The following CFAP54 variants were observed in gnomAD, a reference collection of about 807,000 sequenced individuals.
CFAP54 encodes cilia- and flagella-associated protein 54.
In CFAP54, 290 loss-of-function variants were observed where a neutral mutation model predicts 370.4. The ratio of observed to expected loss-of-function variants is 0.78; its 90% confidence interval spans 0.71 to 0.86. The LOEUF (loss-of-function observed/expected upper bound fraction) is 0.86, where lower values mean the gene tolerates loss of function less well. Among genes scored for constraint, CFAP54 ranks in the 40% least tolerant of loss-of-function variants. CFAP54 has a pLI of 0.00. For synonymous variants in CFAP54, 1,206 were observed against 1,236.5 expected (o/e 0.98, Z 0.52); for missense variants, 3,399 against 3,528.7 (o/e 0.96, Z 0.93).
chr12:96,717,627 G>A (rs1487162825), intron 48 of CFAP54, among the ~76,000 whole-genome samples: 2 of 152,222 alleles, frequency 1.3e-5, no homozygotes, highest in Non-Finnish European at 2.9e-5. Context: ...CAGAATAAGA[G>A]CAGGCTTTGG....
In CFAP54 at chr12:96,581,055, C is replaced by G. The variant is rs1956028375; in HGVS notation, c.3025C>G (p.Leu1009Val). The change falls in exon 22 of 68, where the codon CTG (leucine) becomes GTG (valine). Residue 1009 changes from leucine (L) to valine (V), a missense_variant. Coordinates refer to ENST00000524981, the MANE Select transcript of CFAP54 (RefSeq NM_001306084.2). ...GAIGETTKPI[L>V]VYPPLSTITA... is the part of the protein sequence containing the mutation. The stretch of plus-strand genomic sequence containing the variant: ...TATTGGGGAGACAACTAAACCAATT[C>G]TGGTTTATCCCCCTCTTTCTACTAT... The G allele has an allele frequency of 1.3e-6, 2 of 1,528,042 alleles. No homozygotes were observed. The highest frequency in any genetic ancestry group is 1.8e-6 in the Non-Finnish European group (2 of 1,142,808). The allele number at this position is 1,528,042 out of a possible 1,614,324, so 94.7% of individuals were successfully genotyped here. A position where few individuals can be genotyped will look rare whatever the true frequency, so the allele number is the denominator to read the frequency against.
intron 66 of CFAP54, among the ~76,000 whole-genome samples, chr12:96,854,903 A>C (rs936231263): frequency 6.6e-6 from 1 of 152,146 alleles, no homozygotes; most frequent in Non-Finnish European, 1.5e-5. Context: ...ATCACTGAGG[A>C]ATTAAGCCTG....
chr12:96,707,852 G>C (rs1344524784), intron 47 of CFAP54, among the ~76,000 whole-genome samples: 3 of 152,080 alleles, frequency 2.0e-5, no homozygotes, highest in Non-Finnish European at 4.4e-5. Flanking sequence ...CATTGGCTGG[G>C]AGGAAACCAG....
At chr12:96,834,834 G>A (rs761378995) in intron 66 of CFAP54, among the ~76,000 whole-genome samples, 1 of 152,172 alleles carries the variant, frequency 6.6e-6, no homozygotes, top group Non-Finnish European at 1.5e-5. Flanking sequence ...CTTATCCTAC[G>A]ACTAGGAAGA....
intron 17 of CFAP54, among the ~76,000 whole-genome samples, chr12:96,563,599 T>G (rs1224875375): frequency 6.6e-6 from 1 of 152,354 alleles, no homozygotes; most frequent in East Asian, 1.9e-4. Context: ...ATGCAGATGT[T>G]TCCTTACCCT....
chr12:96,811,841 A>C lies in CFAP54; in HGVS notation c.8956A>C (p.Arg2986=), dbSNP rs1163394280. 4.1e-6 allele frequency: 6 copies of C among 1,461,918 alleles called. No individual in the cohort carries two copies. The East Asian group carries it at 1.0e-4, about 25-fold the overall frequency. The allele number at this position is 1,461,918 out of a possible 1,614,324, so 90.6% of individuals were successfully genotyped here. A position where few individuals can be genotyped will look rare whatever the true frequency, so the allele number is the denominator to read the frequency against. ...CVGSLWIPLN[R]VIAIHEKLSN... ...TGGCTCTTTATGGATTCCACTGAAT[A>C]GGCAAGTAAAAATTCCACAACTCGA... The change falls in exon 64 of 68, where the codon AGG becomes CGG. Residue 2986 remains arginine, a splice_region_variant and synonymous_variant. Coordinates refer to ENST00000524981, the MANE Select transcript of CFAP54 (RefSeq NM_001306084.2).
At chr12:96,765,633 CTCTT>C (rs1958395582) in intron 60 of CFAP54, among the ~76,000 whole-genome samples, 1 of 152,162 alleles carries the variant, frequency 6.6e-6, no homozygotes, top group South Asian at 2.1e-4. Flanking sequence ...TGTGTTTAAG[CTCTT>C]TCTCTCATTA....
chr12:96,622,298 T>A (rs965447473), intron 27 of CFAP54, among the ~76,000 whole-genome samples: 9 of 152,050 alleles, frequency 5.9e-5, no homozygotes, highest in Non-Finnish European at 8.8e-5. Flanking sequence ...TTTTGAAATG[T>A]TACTTAGTTC....
At chr12:96,570,557 A>G (rs1452873036) in intron 19 of CFAP54, among the ~76,000 whole-genome samples, 1 of 152,160 alleles carries the variant, frequency 6.6e-6, no homozygotes, top group South Asian at 2.1e-4. Context: ...TAGGAGTATA[A>G]GGATCTTGGA....
At chr12:96,505,018 T>C (rs1247641870) in intron 3 of CFAP54, among the ~76,000 whole-genome samples, 1 of 151,030 alleles carries the variant, frequency 6.6e-6, no homozygotes, top group Admixed American at 6.6e-5. Flanking sequence ...TTCTTTCTTT[T>C]TCTTTTCTTC....
chr12:96,861,857 G>A (rs148521355), intron 67 of CFAP54, among the ~76,000 whole-genome samples: 7 of 152,216 alleles, frequency 4.6e-5, no homozygotes, highest in Admixed American at 4.6e-4. Flanking sequence ...GACTCATTTT[G>A]TCTAGTGTCT....
intron 38 of CFAP54, among the ~76,000 whole-genome samples, chr12:96,662,647 T>G (rs1957008201): frequency 6.6e-6 from 1 of 152,144 alleles, no homozygotes; most frequent in Admixed American, 6.5e-5. Flanking sequence ...TTAATATAAC[T>G]TATCCTATAT....
At chr12:96,855,714 C>A (rs533481022) in intron 66 of CFAP54, among the ~76,000 whole-genome samples, 1 of 152,230 alleles carries the variant, frequency 6.6e-6, no homozygotes, top group Non-Finnish European at 1.5e-5. Flanking sequence ...GTATAGCCCC[C>A]CTCTTGGGTG....
At chr12:96,744,481 A>G (rs931219050) in intron 55 of CFAP54, among the ~76,000 whole-genome samples, 1 of 152,216 alleles carries the variant, frequency 6.6e-6, no homozygotes, top group Non-Finnish European at 1.5e-5. Context: ...CAATTCAGTA[A>G]CTTTACTGAA....
intron 63 of CFAP54, among the ~76,000 whole-genome samples, chr12:96,798,379 G>A (rs562825308): frequency 1.3e-5 from 2 of 152,118 alleles, no homozygotes; most frequent in African/African-American, 4.8e-5. Flanking sequence ...TTTTCATGGG[G>A]TAGATAATTT....
At chr12:96,606,674 G>A (rs1313861759) in intron 26 of CFAP54, among the ~76,000 whole-genome samples, 2 of 152,134 alleles carry the variant, frequency 1.3e-5, no homozygotes, top group African/African-American at 4.8e-5. Flanking sequence ...ATAGTAGCCT[G>A]AGCGGGCCAG....
rs191703757 is a variant in CFAP54, at chr12:96,839,015, T to C, written c.9171+9927T>C. Among the ~76,000 whole-genome samples, 330 of 152,262 alleles carry C rather than the reference T, an allele frequency of 2.2e-3. 1 individual carries two copies. The highest frequency in any genetic ancestry group is 0.017 in the Middle Eastern group (5 of 294). On this transcript the variant is annotated intron_variant, in intron 66 of 67. Coordinates refer to ENST00000524981, the MANE Select transcript of CFAP54 (RefSeq NM_001306084.2). ...CTGTTGAGCCTTTTCAGTCTGAAGA[T>C]TCTTGCTCATTCAAATGGAGGGGCT...
chr12:96,607,296 T>C (rs893804212), intron 26 of CFAP54, among the ~76,000 whole-genome samples: 6 of 152,160 alleles, frequency 3.9e-5, no homozygotes, highest in Middle Eastern at 3.4e-3. Flanking sequence ...ATTGTGTTTT[T>C]ACTCTCATCA....
intron 60 of CFAP54, among the ~76,000 whole-genome samples, chr12:96,766,836 G>A (rs184524513): frequency 1.3e-3 from 203 of 152,252 alleles, no homozygotes; most frequent in African/African-American, 4.7e-3. Flanking sequence ...TGACCAATAA[G>A]TTTCATCCAA....
Sources: allele counts gnomAD v4.1 joint callset (sites outside exome capture counted in the v4.1 genomes callset), GRCh38; gene constraint gnomAD v4.1.1; transcripts MANE v1.5; gene names NCBI Gene and HGNC (gene_info 2026-07-23, HGNC 2026-07-21).